The following SARDH variants were observed in gnomAD, a reference collection of about 807,000 sequenced individuals.
SARDH encodes sarcosine dehydrogenase, mitochondrial.
SARDH carries 95 observed loss-of-function variants against 109.1 expected under a neutral mutation model. That is an observed-to-expected ratio of 0.87 (90% confidence interval 0.74 to 1.03). SARDH has a LOEUF of 1.03. Among genes scored for constraint, SARDH ranks in the 50% least tolerant of loss-of-function variants. The pLI is 0.00. For synonymous variants in SARDH, 572 were observed against 534.8 expected, an observed-to-expected ratio of 1.07 and a Z score of -0.96; for missense variants, 1,267 against 1,287.8, an observed-to-expected ratio of 0.98 and a Z score of 0.25.
At chr9:133,664,684 C>G (rs377025993) in intron 20 of SARDH, among the ~76,000 whole-genome samples, 1 of 152,176 alleles carries the variant, frequency 6.6e-6, no homozygotes, top group Non-Finnish European at 1.5e-5. Context: ...GAGGGAGTCT[C>G]GGGCTCCGCT....
intron 17 of SARDH, among the ~76,000 whole-genome samples, chr9:133,684,711 T>C (rs1830821421): frequency 6.6e-6 from 1 of 152,064 alleles, no homozygotes; most frequent in South Asian, 2.1e-4. Flanking sequence ...TGGGGTGCTG[T>C]TTGGGGACTG....
At chr9:133,671,836 G>T in intron 17 of SARDH, 139 bp from the exon 18 acceptor site, 1 of 1,052,472 alleles carries the variant, frequency 9.5e-7, no homozygotes, top group Non-Finnish European at 1.3e-6. Context: ...TTGCCATCAA[G>T]AAATGGGGTC....
chr9:133,681,821 G>A (rs1830704274), intron 17 of SARDH, among the ~76,000 whole-genome samples: 1 of 152,150 alleles, frequency 6.6e-6, no homozygotes, highest in African/African-American at 2.4e-5. Flanking sequence ...GCCTCCTTAT[G>A]CGTGTAGCAC....
rs1258147786 is a variant in SARDH at position 133,736,789 on chromosome 9, T to C, written c.-31+1465A>G. Reference sequence around the variant, plus strand: ...TGTCCTGCCCAGTGTGGACCTCCACTGCCCTTTTCTGGGATCTGCAGGAAA... The same window carrying C: ...TGTCCTGCCCAGTGTGGACCTCCACCGCCCTTTTCTGGGATCTGCAGGAAA... On this transcript the variant is annotated intron_variant, in intron 1 of 20. Coordinates refer to ENST00000439388, the MANE Select transcript of SARDH (RefSeq NM_001134707.2). Among the ~76,000 whole-genome samples the C allele has an allele frequency of 2.0e-5, 3 of 152,344 alleles. No individual in the cohort carries two copies. The East Asian group carries it at 5.8e-4, about 29-fold the overall frequency.
chr9:133,680,538 C>T (rs1161232634), intron 17 of SARDH, among the ~76,000 whole-genome samples: 1 of 152,250 alleles, frequency 6.6e-6, no homozygotes, highest in Non-Finnish European at 1.5e-5. Flanking sequence ...GTAACATTGA[C>T]ACTAAGGGCC....
chr9:133,702,029 C>T (rs1486921984), intron 13 of SARDH, among the ~76,000 whole-genome samples: 1 of 152,222 alleles, frequency 6.6e-6, no homozygotes, highest in South Asian at 2.1e-4. Flanking sequence ...AGGAAGGAAC[C>T]CCCTCGTGGA....
chr9:133,731,027 A>C (rs1408326330), intron 4 of SARDH, among the ~76,000 whole-genome samples: 1 of 152,240 alleles, frequency 6.6e-6, no homozygotes, highest in Non-Finnish European at 1.5e-5. Context: ...AGTTGAGACA[A>C]ACACAGATAC....
At chr9:133,731,111 T>G (rs1449302269) in intron 4 of SARDH, among the ~76,000 whole-genome samples, 194 bp downstream of exon 4, 3 of 152,242 alleles carry the variant, frequency 2.0e-5, no homozygotes, top group African/African-American at 7.2e-5. Flanking sequence ...CACGACCTGA[T>G]GTCTGTGAAC....
At chr9:133,727,920 C>T (rs115647702) in intron 6 of SARDH, among the ~76,000 whole-genome samples, 3,108 of 152,148 alleles carry the variant, frequency 0.02, 101 homozygotes, top group African/African-American at 0.071. Context: ...GTCCTGGGCT[C>T]GGTGGACATT....
intron 6 of SARDH, among the ~76,000 whole-genome samples, chr9:133,726,283 G>A (rs915720503): frequency 6.6e-6 from 1 of 151,220 alleles, no homozygotes; most frequent in African/African-American, 2.4e-5. Context: ...TGGGAGGATC[G>A]CTTGAGCCCA....
rs770090381 is a variant in SARDH at position 133,729,802 on chromosome 9, T to C, written c.878A>G (p.His293Arg). Reference sequence around the variant, plus strand: ...GATGCGCTCGGTGACGACATAGGCATGGTGCATGGCCACCAGCGGGACCTT... The same window carrying C: ...GATGCGCTCGGTGACGACATAGGCACGGTGCATGGCCACCAGCGGGACCTT... ...GVKVPLVAMHHAYVVTERIEG... is the reference protein window; with the variant it reads ...GVKVPLVAMHRAYVVTERIEG... Residue 293 changes from histidine (H) to arginine (R), a missense_variant, in exon 6 of 21, where the codon CAT becomes CGT. By Grantham distance (29) the His-to-Arg change is conservative (BLOSUM62 0). Transcript: ENST00000439388. 1 of 1,612,936 alleles carries C rather than the reference T, an allele frequency of 6.2e-7. No individual in the cohort carries two copies. The highest frequency in any genetic ancestry group is 1.3e-5 in the African/African-American group (1 of 75,046).
In SARDH at chr9:133,713,138, A is replaced by C. The variant is rs752530709; in HGVS notation, c.1151-14T>G. The C allele has an allele frequency of 6.2e-7, 1 of 1,610,294 alleles. No individual in the cohort carries two copies. Among genetic ancestry groups the C allele is most frequent in the South Asian group, 1.1e-5 (1 of 90,584 alleles). On this transcript the variant is annotated splice_polypyrimidine_tract_variant and intron_variant, in intron 8 of 20. Coordinates refer to ENST00000439388, the MANE Select transcript of SARDH (RefSeq NM_001134707.2). ...GCGTGAAGGATTCTGAAAGAAGGAG[A>C]GAGAGGCCTGGAGTCCCTTTTGCAG...
chr9:133,722,714 G>A (rs976300796), intron 6 of SARDH, among the ~76,000 whole-genome samples: 4 of 146,450 alleles, frequency 2.7e-5, no homozygotes, highest in African/African-American at 5.2e-5. Context: ...CTGCTCTATC[G>A]CCCAGGCTAG....
In SARDH at chr9:133,663,761, G is replaced by T; in HGVS notation, c.*128C>A. On this transcript the variant is annotated 3_prime_UTR_variant, in exon 21 of 21. Coordinates refer to ENST00000439388, the MANE Select transcript of SARDH (RefSeq NM_001134707.2). ...CGTATCTGGTTTGGGGGTTTTCGCA[G>T]GACTAGGCCTAGGCTAAGGACAGGG... 7.4e-7 allele frequency: 1 copy of T among 1,345,362 alleles called. No homozygotes were observed. The highest frequency in any genetic ancestry group is 1.0e-6 in the Non-Finnish European group (1 of 973,854). 83.3% of individuals were successfully genotyped at this position (1,345,362 alleles called of 1,614,324 possible).
chr9:133,682,009 C>T (rs1004640975), intron 17 of SARDH, among the ~76,000 whole-genome samples: 5 of 151,060 alleles, frequency 3.3e-5, no homozygotes, highest in East Asian at 4.0e-4. Flanking sequence ...AAGCGAGGGG[C>T]GCAGAAATAC....
At chr9:133,734,878 C>A (rs1227989813) in intron 1 of SARDH, among the ~76,000 whole-genome samples, 2 of 152,164 alleles carry the variant, frequency 1.3e-5, no homozygotes, top group African/African-American at 4.8e-5. Context: ...TCCTGAGGGG[C>A]CAAGCAGCCC....
Position 133,696,333 on chromosome 9 carries a change from C to G in SARDH, c.1697G>C (p.Gly566Ala). The change falls in exon 14 of 21, where the codon GGG becomes GCG. Residue 566 changes from glycine (G) to alanine (A), a missense_variant. By Grantham distance (60) the Gly-to-Ala change is moderately conservative (BLOSUM62 0). Coordinates refer to ENST00000439388, the MANE Select transcript of SARDH (RefSeq NM_001134707.2). ...GGACATGTCAAACACAGCGGCGGCC[C>G]CTCTGCAGGCCAGGCACTCCTTCTT... ...TIKKECLACR[G>A]AAAVFDMSYF... 2 of 1,614,144 alleles carry G rather than the reference C, an allele frequency of 1.2e-6. No homozygotes were observed. The highest frequency in any genetic ancestry group is 1.7e-6 in the Non-Finnish European group (2 of 1,180,044).
At position 133,733,885 on chromosome 9, in the gene SARDH, C is replaced by G; in HGVS notation, c.289G>C (p.Glu97Gln). 6.6e-7 allele frequency: 1 copy of G among 1,504,792 alleles called. No homozygotes were observed. The highest frequency in any genetic ancestry group is 8.9e-7 in the Non-Finnish European group (1 of 1,127,228). The allele number at this position is 1,504,792 out of a possible 1,614,324, so 93.2% of individuals were successfully genotyped here. Reference sequence around the variant, plus strand: ...GTCCCGGAGGTCAGCCGCTCCCGCTCCAGCAGCACCGCCCCACTCATGCCC... The same window carrying G: ...GTCCCGGAGGTCAGCCGCTCCCGCTGCAGCAGCACCGCCCCACTCATGCCC... ...KLGMSGAVLLERERLTSGTTW... is the reference protein window; with the variant it reads ...KLGMSGAVLLQRERLTSGTTW... The change falls in exon 2 of 21, where the codon GAG becomes CAG. Residue 97 changes from glutamate (E) to glutamine (Q), a missense_variant. By Grantham distance (29) the Glu-to-Gln change is conservative (BLOSUM62 2). Coordinates refer to ENST00000439388, the MANE Select transcript of SARDH (RefSeq NM_001134707.2).
intron 13 of SARDH, among the ~76,000 whole-genome samples, chr9:133,701,068 C>T (rs923830081): frequency 2.0e-5 from 3 of 152,220 alleles, no homozygotes; most frequent in Non-Finnish European, 4.4e-5. Flanking sequence ...GATGGTGGCA[C>T]AGCCAGGCAG....
Sources: gnomAD v4.1 joint callset for allele counts (sites outside exome capture counted in the v4.1 genomes callset) on GRCh38, gnomAD v4.1.1 for gene constraint, MANE v1.5 for transcripts, NCBI Gene and HGNC (gene_info 2026-07-23, HGNC 2026-07-21) for gene names.